Variants in APPL2 observed in about 807,000 individuals in gnomAD.
APPL2 encodes the protein adaptor protein, phosphotyrosine interacting with PH domain and leucine zipper 2, also known as DCC-interacting protein 13-beta.
APPL2 carries 84 observed loss-of-function variants against 92.7 expected under a neutral mutation model. The ratio of observed to expected loss-of-function variants is 0.91; its 90% confidence interval spans 0.76 to 1.09. The LOEUF (loss-of-function observed/expected upper bound fraction) is 1.09, where lower values mean the gene tolerates loss of function less well. Among genes scored for constraint, APPL2 ranks in the 50% least tolerant of loss-of-function variants. APPL2 has a pLI of 0.00. For synonymous variants in APPL2, 291 were observed against 291.0 expected, an observed-to-expected ratio of 1.00 and a Z score of 0.00; for missense variants, 736 against 824.5, an observed-to-expected ratio of 0.89 and a Z score of 1.31.
chr12:105,233,981 G>C (rs1891086539), intron 1 of APPL2, among the ~76,000 whole-genome samples: 1 of 152,138 alleles, frequency 6.6e-6, no homozygotes, highest in Non-Finnish European at 1.5e-5. Flanking sequence ...GAGTCACCTT[G>C]GGAGTAAAGC....
rs377078499 is a variant in APPL2 at position 105,189,992 on chromosome 12, T to G, written c.1405A>C (p.Arg469=). 9.3e-6 allele frequency: 15 copies of G among 1,613,962 alleles called. No individual in the cohort carries two copies. The African/African-American group carries it at 1.9e-4, about 20-fold the overall frequency. Residue 469 remains arginine, a splice_region_variant and synonymous_variant, in exon 15 of 21, where the codon AGG becomes CGG. Transcript: ENST00000258530. ...TEFLDQNRGS[R]RTNPFGETED... ...GAGATAACCTCTCTCAGCCCATACCTGCTCCCTCTGTTCTGATCAAGGAAT... is the reference window on the plus strand; with the variant it reads ...GAGATAACCTCTCTCAGCCCATACCGGCTCCCTCTGTTCTGATCAAGGAAT...
chr12:105,205,331 G>C (rs184551845), intron 8 of APPL2, among the ~76,000 whole-genome samples: 1 of 152,134 alleles, frequency 6.6e-6, no homozygotes, highest in African/African-American at 2.4e-5. Flanking sequence ...TACGAAAAAT[G>C]AAAGATGCCA....
intron 2 of APPL2, among the ~76,000 whole-genome samples, chr12:105,221,116 A>G (rs1890065457): frequency 6.6e-6 from 1 of 152,244 alleles, no homozygotes; most frequent in Non-Finnish European, 1.5e-5. Context: ...CTGTACACAA[A>G]GGTTGTAAGA....
chr12:105,179,966 CTTTAG>C (rs1885953345), intron 17 of APPL2, among the ~76,000 whole-genome samples: 1 of 152,174 alleles, frequency 6.6e-6, no homozygotes, highest in African/African-American at 2.4e-5. Context: ...TGCAGAAGCT[CTTTAG>C]TTTAATTAGA....
intron 17 of APPL2, among the ~76,000 whole-genome samples, chr12:105,186,372 C>A (rs986647078): frequency 6.6e-6 from 1 of 151,986 alleles, no homozygotes; most frequent in African/African-American, 2.4e-5. Flanking sequence ...TTTTGTTGAT[C>A]CATTCATTTG....
chr12:105,221,257 T>A (rs527297385), intron 2 of APPL2, among the ~76,000 whole-genome samples: 1 of 152,288 alleles, frequency 6.6e-6, no homozygotes, highest in South Asian at 2.1e-4. Flanking sequence ...ATAACATCAA[T>A]AAAGATAGCT....
chr12:105,195,802 C>T, intron 11 of APPL2, among the ~76,000 whole-genome samples, 175 bp from the exon 12 acceptor site: 1 of 152,128 alleles, frequency 6.6e-6, no homozygotes, highest in Non-Finnish European at 1.5e-5. Flanking sequence ...TGCCTGCAGT[C>T]CCAGCATTTT....
At chr12:105,226,973 T>C (rs1438421801) in intron 2 of APPL2, among the ~76,000 whole-genome samples, 2 of 151,790 alleles carry the variant, frequency 1.3e-5, no homozygotes, top group Non-Finnish European at 2.9e-5. Context: ...GAAAAAAAAT[T>C]AGCTGGGTGT....
rs1888458143 is a variant in APPL2 at position 105,203,844 on chromosome 12, C to A, written c.622-59G>T. The A allele has an allele frequency of 1.1e-5, 17 of 1,501,404 alleles. 1 individual carries two copies. Among genetic ancestry groups the A allele is most frequent in the Non-Finnish European group, 1.6e-5 (17 of 1,081,170 alleles). The allele number at this position is 1,501,404 out of a possible 1,614,324, so 93.0% of individuals were successfully genotyped here. On this transcript the variant is annotated intron_variant, in intron 8 of 20. Transcript: ENST00000258530. Reference sequence around the variant, plus strand: ...TCCAGGGAAGTGATCAGTGAACTCACTGAAGGTGAGACAGGCAGCGTGAGG... The same window carrying A: ...TCCAGGGAAGTGATCAGTGAACTCAATGAAGGTGAGACAGGCAGCGTGAGG...
At chr12:105,195,403 C>T in intron 13 of APPL2, 42 bp downstream of exon 13, 1 of 1,614,088 alleles carries the variant, frequency 6.2e-7, no homozygotes, top group South Asian at 1.1e-5. Flanking sequence ...GCTTACCTTC[C>T]AGGTTGAGAA....
intron 9 of APPL2, among the ~76,000 whole-genome samples, chr12:105,202,131 A>G (rs1461584073): frequency 6.6e-6 from 1 of 152,266 alleles, no homozygotes; most frequent in African/African-American, 2.4e-5. Context: ...ATCTGAATCA[A>G]GTGCTGCAAG....
At chr12:105,228,449 A>C (rs1189885710) in intron 2 of APPL2, among the ~76,000 whole-genome samples, 1 of 152,224 alleles carries the variant, frequency 6.6e-6, no homozygotes, top group Non-Finnish European at 1.5e-5. Flanking sequence ...AACACATAAG[A>C]TTTAAGTCAG....
intron 9 of APPL2, among the ~76,000 whole-genome samples, chr12:105,200,212 T>G (rs780173027): frequency 1.3e-5 from 2 of 152,134 alleles, no homozygotes; most frequent in Admixed American, 6.5e-5. Flanking sequence ...GAGAAAAGCT[T>G]TGAGAAGCCC....
At chr12:105,206,467 C>T (rs1033967310) in intron 8 of APPL2, among the ~76,000 whole-genome samples, 13 of 152,150 alleles carry the variant, frequency 8.5e-5, no homozygotes, top group South Asian at 2.1e-4. Context: ...TCGTCTCCGC[C>T]GCACTGGTGC....
At position 105,195,432 on chromosome 12, in the gene APPL2, G is replaced by A. The variant is rs776387697; in HGVS notation, c.1152+13C>T. On this transcript the variant is annotated intron_variant, in intron 13 of 20. Coordinates refer to ENST00000258530, the MANE Select transcript of APPL2 (RefSeq NM_018171.5). ...TTGAGAAAAGGGCTGAGATGCCGGT[G>A]GCTGATAATTACCTCAGGGTTGTCG... 4.3e-6 allele frequency: 7 copies of A among 1,614,018 alleles called. No individual in the cohort carries two copies. The highest frequency in any genetic ancestry group is 5.9e-6 in the Non-Finnish European group (7 of 1,180,026).
chr12:105,217,056 G>A lies in APPL2; in HGVS notation c.285+13C>T. On this transcript the variant is annotated intron_variant, in intron 4 of 20. Transcript: ENST00000258530. ...AAAGAATCAAATACAAATTTTCTAT[G>A]TTGCTATCTTACCTCATCCACCACT... 1 of 1,573,248 alleles carries A rather than the reference G, an allele frequency of 6.4e-7. No individual in the cohort carries two copies. Among genetic ancestry groups the A allele is most frequent in the Non-Finnish European group, 8.7e-7 (1 of 1,151,126 alleles).
intron 2 of APPL2, among the ~76,000 whole-genome samples, chr12:105,221,610 G>C (rs1222668155): frequency 6.6e-6 from 1 of 152,250 alleles, no homozygotes; most frequent in African/African-American, 2.4e-5. Flanking sequence ...TCTAGTGGTA[G>C]AAGAGCAAAA....
intron 10 of APPL2, among the ~76,000 whole-genome samples, chr12:105,198,670 A>G (rs550645478): frequency 1.4e-4 from 22 of 152,322 alleles, no homozygotes; most frequent in Admixed American, 2.6e-4. Context: ...TCCTGCCCCA[A>G]TAATTTCCCC....
At chr12:105,233,183 G>C in intron 1 of APPL2, 10 of 985,432 alleles carry the variant, frequency 1.0e-5, no homozygotes, top group Non-Finnish European at 1.2e-5. Context: ...CACTGTACTG[G>C]AACTGTTGCC....
Sources: allele counts gnomAD v4.1 joint callset (sites outside exome capture counted in the v4.1 genomes callset), GRCh38; gene constraint gnomAD v4.1.1; transcripts MANE v1.5; gene names NCBI Gene and HGNC (gene_info 2026-07-23, HGNC 2026-07-21).